CES5A: variants seen among roughly 807,000 people sequenced by gnomAD.
CES5A encodes carboxylesterase 5A.
Under a neutral mutation model 62.9 loss-of-function variants are expected in CES5A, and 67 were observed. The ratio of observed to expected loss-of-function variants is 1.07; its 90% CI spans 0.88 to 1.31. The LOEUF is 1.31. Among genes scored for constraint, CES5A ranks in the 50% most tolerant of loss-of-function variants. The pLI, the probability that CES5A is intolerant of heterozygous loss-of-function variation, is 0.00. For missense variants in CES5A, 748 were observed against 708.5 expected (o/e 1.06, Z -0.63); for synonymous variants, 296 against 280.8 (o/e 1.05, Z -0.54).
chr16:55,886,859 C>A (rs2033820928), intron 1 of CES5A, among the ~76,000 whole-genome samples: 1 of 152,002 alleles, frequency 6.6e-6, no homozygotes, highest in Admixed American at 6.6e-5. Context: ...CCTATGTAAT[C>A]CCATGATTAC....
chr16:55,936,312 G>A (rs529030107), intron 2 of CES5A, among the ~76,000 whole-genome samples: 1 of 152,324 alleles, frequency 6.6e-6, no homozygotes, highest in South Asian at 2.1e-4. Context: ...CATCTTTGCA[G>A]CTCTGCAATC....
intron 11 of CES5A, among the ~76,000 whole-genome samples, chr16:55,849,127 C>T (rs1242450942): frequency 3.3e-5 from 5 of 152,024 alleles, no homozygotes; most frequent in South Asian, 2.1e-4. Context: ...ATTTTAGGCA[C>T]CAAATATGTC....
intron 1 of CES5A, among the ~76,000 whole-genome samples, chr16:55,954,753 G>A (rs2034591716): frequency 6.6e-6 from 1 of 152,110 alleles, no homozygotes; most frequent in Non-Finnish European, 1.5e-5. Flanking sequence ...GACCCACCAT[G>A]GAGGCTCGCA....
intron 2 of CES5A, among the ~76,000 whole-genome samples, chr16:55,937,186 C>A (rs186795862): frequency 7.9e-5 from 12 of 152,268 alleles, no homozygotes; most frequent in South Asian, 4.1e-4. Flanking sequence ...TTTAGTAAAG[C>A]CTTCTCTAAC....
At chr16:55,905,523 T>C (rs139234010) in intron 1 of CES5A, among the ~76,000 whole-genome samples, 2,092 of 152,118 alleles carry the variant, frequency 0.014, 57 homozygotes, top group African/African-American at 0.047. Context: ...TGTACCACCA[T>C]GCCCGGCTAA....
intron 2 of CES5A, 99 bp from the exon 3 acceptor site, chr16:55,871,862 T>A (rs1339860507): frequency 7.7e-7 from 1 of 1,301,804 alleles, no homozygotes; most frequent in South Asian, 1.3e-5. Context: ...GGCCGTCTCC[T>A]CTGCCTGAGC....
chr16:55,920,451 C>A (rs1311001160), intron 1 of CES5A, among the ~76,000 whole-genome samples: 1 of 152,168 alleles, frequency 6.6e-6, no homozygotes, highest in Non-Finnish European at 1.5e-5. Flanking sequence ...GTTTGTCCCA[C>A]AGGTCTTCTG....
upstream of CES5A, among the ~76,000 whole-genome samples, chr16:55,877,547 T>C (rs558370808): frequency 6.6e-6 from 1 of 151,986 alleles, no homozygotes; most frequent in Non-Finnish European, 1.5e-5. Context: ...AAGAGAACTA[T>C]AGAGGAAATG....
In CES5A at chr16:55,846,624, G is replaced by A; in HGVS notation, c.1555C>T (p.Leu519Phe). The A allele has an allele frequency of 1.2e-6, 2 of 1,614,176 alleles. No homozygotes were observed. Among genetic ancestry groups the A allele is most frequent in the South Asian group, 1.1e-5 (1 of 91,084 alleles). ...AGGCTCATGTTCAAGTCCAGCTGGA[G>A]GTACTGCTCAGTCAGATTATAAGCT... is the stretch of plus-strand genomic sequence containing the variant. ...WPAYNLTEQYLQLDLNMSLGQ... is the reference protein window; with the variant it reads ...WPAYNLTEQYFQLDLNMSLGQ... The change falls in exon 13 of 13, where the codon CTC becomes TTC. Residue 519 changes from leucine to phenylalanine, a missense_variant. Coordinates refer to ENST00000290567, the MANE Select transcript of CES5A (RefSeq NM_001143685.2).
At chr16:55,912,497 C>T (rs1019640493) in intron 1 of CES5A, among the ~76,000 whole-genome samples, 8 of 148,106 alleles carry the variant, frequency 5.4e-5, no homozygotes, top group Non-Finnish European at 1.2e-4. Context: ...AGGAGGAGGA[C>T]GAGGAGGAGG....
At chr16:55,932,877 TG>T (rs1379617960) in intron 2 of CES5A, among the ~76,000 whole-genome samples, 1 of 152,202 alleles carries the variant, frequency 6.6e-6, no homozygotes, top group Non-Finnish European at 1.5e-5. Flanking sequence ...AGAATGAATT[TG>T]GGGGATACAA....
At chr16:55,863,482 A>G in intron 5 of CES5A, 30 bp from the exon 6 acceptor site, 1 of 1,125,780 alleles carries the variant, frequency 8.9e-7, no homozygotes, top group Non-Finnish European at 1.4e-6. Context: ...GACCCAGGAA[A>G]GGTTACTCCC....
intron 1 of CES5A, among the ~76,000 whole-genome samples, chr16:55,914,151 C>T (rs553328677): frequency 2.6e-5 from 4 of 152,192 alleles, no homozygotes; most frequent in Non-Finnish European, 5.9e-5. Context: ...TCAACTTTTA[C>T]AGGGCCTCCT....
At chr16:55,893,290 C>G (rs1451513911) in intron 1 of CES5A, among the ~76,000 whole-genome samples, 1 of 151,824 alleles carries the variant, frequency 6.6e-6, no homozygotes, top group Non-Finnish European at 1.5e-5. Flanking sequence ...TCAGATCAGA[C>G]CTGTTTTCAA....
intron 1 of CES5A, among the ~76,000 whole-genome samples, chr16:55,913,047 T>C (rs1390460818): frequency 6.6e-6 from 1 of 152,206 alleles, no homozygotes; most frequent in Admixed American, 6.5e-5. Context: ...GAGTAATTCA[T>C]GCAGAGCTGG....
intron 1 of CES5A, among the ~76,000 whole-genome samples, chr16:55,902,985 A>C (rs764080785): frequency 2.0e-5 from 3 of 152,194 alleles, no homozygotes; most frequent in Non-Finnish European, 4.4e-5. Context: ...CAGTATAACG[A>C]AGAAGGGCAA....
chr16:55,871,179 C>A (rs141054698), intron 3 of CES5A, among the ~76,000 whole-genome samples: 1 of 152,164 alleles, frequency 6.6e-6, no homozygotes, highest in Non-Finnish European at 1.5e-5. Context: ...ATAGAACATG[C>A]CTTTCCCCCA....
At chr16:55,935,600 A>G (rs1310258404) in intron 2 of CES5A, among the ~76,000 whole-genome samples, 1 of 152,144 alleles carries the variant, frequency 6.6e-6, no homozygotes, top group Non-Finnish European at 1.5e-5. Context: ...ACCATCCTTC[A>G]AGGCCCAGTA....
At chr16:55,931,193 A>G (rs867986583) in intron 2 of CES5A, among the ~76,000 whole-genome samples, 1 of 152,214 alleles carries the variant, frequency 6.6e-6, no homozygotes, top group Admixed American at 6.5e-5. Context: ...ATTACTTCCA[A>G]TGTCCAAACT....
Sources: gnomAD v4.1 joint callset for allele counts (sites outside exome capture counted in the v4.1 genomes callset) on GRCh38, gnomAD v4.1.1 for gene constraint, MANE v1.5 for transcripts, NCBI Gene and HGNC (gene_info 2026-07-23, HGNC 2026-07-21) for gene names.